KDM4C: variants seen among roughly 807,000 people sequenced by gnomAD.
The protein encoded by KDM4C is lysine-specific demethylase 4C.
Under a neutral mutation model 129.3 loss-of-function variants are expected in KDM4C, and 81 were observed. The observed-to-expected ratio is 0.63, with a 90% CI of 0.52 to 0.75. KDM4C has a LOEUF of 0.75. Among genes scored for constraint, KDM4C ranks in the 30% least tolerant of loss-of-function variants. KDM4C has a pLI of 0.00. For synonymous variants in KDM4C, 573 were observed against 456.1 expected, an observed-to-expected ratio of 1.26 and a Z score of -3.26; for missense variants, 1,457 against 1,304.0, an observed-to-expected ratio of 1.12 and a Z score of -1.81.
At chr9:6,849,861 G>T (rs1288830460) in intron 5 of KDM4C, among the ~76,000 whole-genome samples, 161 bp downstream of exon 5, 2 of 152,090 alleles carry the variant, frequency 1.3e-5, no homozygotes, top group African/African-American at 2.4e-5. Flanking sequence ...ATTCTGTCTG[G>T]GATTGTGCTT....
At chr9:6,732,376 A>T in intron 1 of KDM4C, among the ~76,000 whole-genome samples, 5 of 120,218 alleles carry the variant, frequency 4.2e-5, no homozygotes, top group African/African-American at 1.9e-4. Context: ...AAAAAAAAAA[A>T]AAAAAAAAAA....
At chr9:6,804,757 C>CAA (rs778108422) in intron 2 of KDM4C, among the ~76,000 whole-genome samples, 14 of 94,516 alleles carry the variant, frequency 1.5e-4, no homozygotes, top group African/African-American at 4.4e-4. Context: ...GACTCCGTCT[C>CAA]AAAAAAAAAA....
At chr9:6,895,554 G>C (rs140799146) in intron 8 of KDM4C, among the ~76,000 whole-genome samples, 1 of 152,128 alleles carries the variant, frequency 6.6e-6, no homozygotes, top group Admixed American at 6.6e-5. Context: ...GGGTGCAGGA[G>C]GGGAAGCATC....
chr9:6,934,342 G>A (rs1824327564), intron 8 of KDM4C, among the ~76,000 whole-genome samples: 1 of 136,988 alleles, frequency 7.3e-6, no homozygotes, highest in Admixed American at 7.1e-5. Context: ...TTAGCCGTTT[G>A]TGCTGGCGGT....
Position 6,992,891 on chromosome 9 carries a change from T to G in KDM4C, c.1786+2367T>G, listed in dbSNP as rs544858130. 9.3e-4 allele frequency among the ~76,000 whole-genome samples: 141 copies of G among 152,264 alleles called. 1 individual carries two copies. Among genetic ancestry groups the G allele is most frequent in the African/African-American group, 3.3e-3 (135 of 41,530 alleles). ...GCATTTCTCTATTGAAGCTGGAAAGTTTCTCCCTAACAGAAAGGCTGCACA... is the reference window on the plus strand; with the variant it reads ...GCATTTCTCTATTGAAGCTGGAAAGGTTCTCCCTAACAGAAAGGCTGCACA... On this transcript the variant is annotated intron_variant, in intron 12 of 21. Coordinates refer to ENST00000381309, the MANE Select transcript of KDM4C (RefSeq NM_015061.6).
intron 1 of KDM4C, chr9:6,726,489 A>G (rs1817132705): frequency 6.6e-6 from 1 of 152,110 alleles, no homozygotes; most frequent in Admixed American, 6.6e-5. Flanking sequence ...TGTCTCCTCA[A>G]CCACTTTTAC....
chr9:6,867,422 A>T (rs558607605), intron 5 of KDM4C, among the ~76,000 whole-genome samples: 1 of 152,340 alleles, frequency 6.6e-6, no homozygotes, highest in South Asian at 2.1e-4. Context: ...ATATTTGAAT[A>T]AATGATCATT....
intron 8 of KDM4C, among the ~76,000 whole-genome samples, chr9:6,911,956 C>T (rs1819397737): frequency 6.6e-6 from 1 of 152,096 alleles, no homozygotes; most frequent in Admixed American, 6.5e-5. Flanking sequence ...TACTTTTGCC[C>T]AGGACTTGGG....
chr9:6,842,515 T>G (rs1309747544), intron 4 of KDM4C, among the ~76,000 whole-genome samples: 1 of 151,606 alleles, frequency 6.6e-6, no homozygotes, highest in African/African-American at 2.4e-5. Context: ...TTTTTTGTAT[T>G]TTTAGTAGAG....
rs766637767 is a variant in KDM4C at position 6,979,180 on chromosome 9, C to T, written c.922-1745C>T. Reference sequence around the variant, plus strand: ...TCCCCCTTTTGTCAAAAGATTACATCTTAATCCAAAATATCTTTCAATTTC... The same window carrying T: ...TCCCCCTTTTGTCAAAAGATTACATTTTAATCCAAAATATCTTTCAATTTC... On this transcript the variant is annotated intron_variant, in intron 8 of 21. Coordinates refer to ENST00000381309, the MANE Select transcript of KDM4C (RefSeq NM_015061.6). Among the ~76,000 whole-genome samples, 73 of 152,306 alleles carry T rather than the reference C, an allele frequency of 4.8e-4. No individual in the cohort carries two copies. In the Middle Eastern group the frequency reaches 0.01, roughly 21 times the overall value.
chr9:6,768,880 C>G (rs929271679), intron 1 of KDM4C, among the ~76,000 whole-genome samples: 2 of 152,042 alleles, frequency 1.3e-5, no homozygotes, highest in African/African-American at 2.4e-5. Context: ...TCAAGTGATT[C>G]TCCTGCCTCA....
chr9:7,067,276 C>G (rs1381389435), intron 17 of KDM4C, among the ~76,000 whole-genome samples: 1 of 152,176 alleles, frequency 6.6e-6, no homozygotes, highest in African/African-American at 2.4e-5. Flanking sequence ...TATGGGGGAC[C>G]CCTTCTTCCT....
chr9:7,034,360 TTCTG>T (rs1186999865), intron 15 of KDM4C, among the ~76,000 whole-genome samples: 5 of 152,210 alleles, frequency 3.3e-5, no homozygotes, highest in Non-Finnish European at 7.4e-5. Flanking sequence ...AATTCCTCCT[TTCTG>T]TCTATCCTTC....
intron 19 of KDM4C, among the ~76,000 whole-genome samples, chr9:7,159,425 A>G (rs1029971112): frequency 6.6e-6 from 1 of 152,140 alleles, no homozygotes; most frequent in Non-Finnish European, 1.5e-5. Flanking sequence ...TCTTCATAGC[A>G]TTGGTGGTCT....
At chr9:6,894,069 C>T (rs1437284974) in intron 8 of KDM4C, among the ~76,000 whole-genome samples, 3 of 152,116 alleles carry the variant, frequency 2.0e-5, no homozygotes, top group Non-Finnish European at 4.4e-5. Context: ...TTATTTTGGC[C>T]ATTGCATGGC....
At chr9:7,091,842 C>G (rs1835840753) in intron 17 of KDM4C, among the ~76,000 whole-genome samples, 1 of 152,176 alleles carries the variant, frequency 6.6e-6, no homozygotes, top group South Asian at 2.1e-4. Flanking sequence ...ACCAGGGAAC[C>G]TGGTAGAGAT....
intron 5 of KDM4C, among the ~76,000 whole-genome samples, chr9:6,865,302 C>G (rs1841752655): frequency 6.6e-6 from 1 of 152,124 alleles, no homozygotes; most frequent in Non-Finnish European, 1.5e-5. Flanking sequence ...GCCAAAGTGC[C>G]CCGTCTTTGT....
chr9:7,141,637 G>A (rs1477875469), intron 19 of KDM4C, among the ~76,000 whole-genome samples: 6 of 152,244 alleles, frequency 3.9e-5, no homozygotes, highest in South Asian at 4.1e-4. Context: ...AGGGAACTTC[G>A]GAAGAAGCCC....
intron 11 of KDM4C, among the ~76,000 whole-genome samples, chr9:6,989,096 T>A (rs1240104762): frequency 6.6e-6 from 1 of 152,226 alleles, no homozygotes; most frequent in Non-Finnish European, 1.5e-5. Context: ...TGATATGTCT[T>A]CTTGGCTGTG....
Sources: allele counts gnomAD v4.1 joint callset (sites outside exome capture counted in the v4.1 genomes callset), GRCh38; gene constraint gnomAD v4.1.1; transcripts MANE v1.5; gene names NCBI Gene and HGNC (gene_info 2026-07-23, HGNC 2026-07-21).